The following SBK1 variants were observed in gnomAD, a reference collection of about 807,000 sequenced individuals.
The protein encoded by SBK1 is SH3 domain binding kinase 1.
In SBK1, 11 loss-of-function variants were observed where a neutral mutation model predicts 24.4. That is an observed-to-expected ratio of 0.45 (90% confidence interval 0.28 to 0.75). SBK1 has a LOEUF of 0.75. Among genes scored for constraint, SBK1 ranks in the 30% least tolerant of loss-of-function variants. The pLI is 0.12. For missense variants in SBK1, 467 were observed against 620.5 expected (o/e 0.75, Z 2.63); for synonymous variants, 308 against 284.4 (o/e 1.08, Z -0.83).
At chr16:28,302,610 C>T (rs529727162) in intron 1 of SBK1, among the ~76,000 whole-genome samples, 15 of 152,204 alleles carry the variant, frequency 9.9e-5, no homozygotes, top group African/African-American at 3.6e-4. Flanking sequence ...CTGGCACTTT[C>T]CTCTGGCACT....
chr16:28,261,562 C>T (rs2141556039), intron 1 of SBK1, among the ~76,000 whole-genome samples: 1 of 151,984 alleles, frequency 6.6e-6, no homozygotes, highest in African/African-American at 2.4e-5. Flanking sequence ...CCCAGAAGTT[C>T]GAGGCTGCAC....
In SBK1 at chr16:28,323,219, T is replaced by C. The variant is rs998580604; in HGVS notation, c.*2298T>C. 6.7e-6 allele frequency: 1 copy of C among 150,352 alleles called. No individual in the cohort carries two copies. The highest frequency in any genetic ancestry group is 1.5e-5 in the Non-Finnish European group (1 of 67,648). The allele number at this position is 150,352 out of a possible 1,614,324, so 9.3% of individuals were successfully genotyped here. A position where few individuals can be genotyped will look rare whatever the true frequency, so the allele number is the denominator to read the frequency against. The stretch of plus-strand genomic sequence containing the variant: ...GGTCGGGCTGGGACCCTTTGCCCCT[T>C]AGGAGAGGTGTTGGTCACAGATGTT... On this transcript the variant is annotated 3_prime_UTR_variant, in exon 4 of 4. Coordinates refer to ENST00000341901, the MANE Select transcript of SBK1 (RefSeq NM_001024401.3).
chr16:28,308,040 C>A (rs980818086), intron 1 of SBK1, among the ~76,000 whole-genome samples: 6 of 152,182 alleles, frequency 3.9e-5, no homozygotes, highest in African/African-American at 1.4e-4. Context: ...CACTCTCCAC[C>A]TACTTCTGTA....
At chr16:28,272,065 CAATACATGTAT>C (rs1394458208) in intron 1 of SBK1, among the ~76,000 whole-genome samples, 1 of 152,084 alleles carries the variant, frequency 6.6e-6, no homozygotes, top group Non-Finnish European at 1.5e-5. Flanking sequence ...TTTAAATGTA[CAATACATGTAT>C]AATACATGGT....
chr16:28,322,168 CTG>C lies in SBK1; in HGVS notation c.*1250_*1251del, dbSNP rs2044855039. The C allele has an allele frequency of 6.6e-6, 1 of 152,662 alleles. No individual in the cohort carries two copies. The highest frequency in any genetic ancestry group is 1.5e-5 in the Non-Finnish European group (1 of 68,408). 9.5% of individuals were successfully genotyped at this position (152,662 alleles called of 1,614,324 possible). On this transcript the variant is annotated 3_prime_UTR_variant, in exon 4 of 4. Coordinates refer to ENST00000341901, the MANE Select transcript of SBK1 (RefSeq NM_001024401.3). ...GGGTGCCATCCTTTGCGTTCAGTGACTGTGCGTCCAGACCCCTCACCAGCGGC... is the reference window on the plus strand; with the variant it reads ...GGGTGCCATCCTTTGCGTTCAGTGACTGCGTCCAGACCCCTCACCAGCGGC...
intron 1 of SBK1, among the ~76,000 whole-genome samples, chr16:28,267,516 G>A (rs927048400): frequency 5.3e-5 from 8 of 152,190 alleles, no homozygotes; most frequent in Non-Finnish European, 1.0e-4. Context: ...ACATGTTCAT[G>A]GCTAATGGAG....
Position 28,265,181 on chromosome 16 carries a change from C to T in SBK1, c.257+5679C>T, listed in dbSNP as rs375365934. Among the ~76,000 whole-genome samples the T allele has an allele frequency of 1.6e-4, 25 of 151,914 alleles. No homozygotes were observed. The South Asian group carries it at 1.7e-3, about 10-fold the overall frequency. On this transcript the variant is annotated intron_variant, in intron 1 of 3. Coordinates refer to the SBK1 transcript ENST00000671413. ...GCTGTAATCCCAGCACTTGAGGAGG[C>T]AGAGGCAGGAGGATCACTTAAGGCC... is the stretch of plus-strand genomic sequence containing the variant.
At chr16:28,258,942 A>C (rs1242256849), upstream of SBK1, 1 of 152,602 alleles carries the variant, frequency 6.6e-6, no homozygotes, top group African/African-American at 2.4e-5. Flanking sequence ...GACCAGGAGG[A>C]GCAGACGGCT....
Position 28,264,345 on chromosome 16 carries a change from G to A in SBK1, c.257+4843G>A, listed in dbSNP as rs773797687. Among the ~76,000 whole-genome samples, 342 of 151,644 alleles carry A rather than the reference G, an allele frequency of 2.3e-3. 2 individuals are homozygous for A. The highest frequency in any genetic ancestry group is 3.6e-3 in the Non-Finnish European group (245 of 67,794). On this transcript the variant is annotated intron_variant, in intron 1 of 3. Coordinates refer to the SBK1 transcript ENST00000671413. Reference sequence around the variant, plus strand: ...TCCCAGCACTTTGGGAGGCAGAGGCGGGCGGATCACTTGAGGTCAGGAGTT... The same window carrying A: ...TCCCAGCACTTTGGGAGGCAGAGGCAGGCGGATCACTTGAGGTCAGGAGTT...
At chr16:28,299,078 G>A (rs183010298) in intron 1 of SBK1, among the ~76,000 whole-genome samples, 5 of 152,316 alleles carry the variant, frequency 3.3e-5, no homozygotes, top group Admixed American at 3.3e-4. Flanking sequence ...GTCTCCAGGA[G>A]GCACAATGGG....
At chr16:28,305,537 CT>C (rs771013330) in intron 1 of SBK1, among the ~76,000 whole-genome samples, 608 of 126,268 alleles carry the variant, frequency 4.8e-3, no homozygotes, top group African/African-American at 4.9e-3. Flanking sequence ...TTCTTTGTTT[CT>C]TTTTTTTTTT....
chr16:28,270,246 G>A (rs1450627187), intron 1 of SBK1, among the ~76,000 whole-genome samples: 2 of 151,788 alleles, frequency 1.3e-5, no homozygotes, highest in African/African-American at 4.8e-5. Context: ...ATTTTTAGTA[G>A]AGATGAGGTT....
At chr16:28,312,093 G>A (rs922588912) in intron 1 of SBK1, among the ~76,000 whole-genome samples, 7 of 152,254 alleles carry the variant, frequency 4.6e-5, no homozygotes, top group Admixed American at 2.6e-4. Context: ...GCAGCCCTTG[G>A]GGACTCCACA....
At chr16:28,297,090 G>A (rs2044646019) in intron 1 of SBK1, among the ~76,000 whole-genome samples, 1 of 152,190 alleles carries the variant, frequency 6.6e-6, no homozygotes, top group Non-Finnish European at 1.5e-5. Context: ...ACCACTTTGG[G>A]AGGCTGAGAC....
chr16:28,286,217 G>A (rs542800968), intron 1 of SBK1: 1 of 152,460 alleles, frequency 6.6e-6, no homozygotes, highest in Non-Finnish European at 1.5e-5. Context: ...GTGTCTTCCA[G>A]TGGTCCCAGG....
chr16:28,260,808 T>C (rs532151083), intron 1 of SBK1, among the ~76,000 whole-genome samples: 1 of 152,152 alleles, frequency 6.6e-6, no homozygotes, highest in African/African-American at 2.4e-5. Context: ...CACAGGGTAG[T>C]GGGCATCTTG....
rs982820783 is a variant in SBK1, at chr16:28,263,618, C to A, written c.257+4116C>A. Among the ~76,000 whole-genome samples the A allele has an allele frequency of 2.0e-5, 3 of 152,070 alleles. No individual in the cohort carries two copies. In the East Asian group the frequency reaches 5.8e-4, roughly 29 times the overall value. On this transcript the variant is annotated intron_variant, in intron 1 of 3. Coordinates refer to the SBK1 transcript ENST00000671413. The stretch of plus-strand genomic sequence containing the variant: ...GCCACGCAGGCCTTGGCACCCATGG[C>A]GAGGAGATGGATTTTGTTCCAGAAG...
chr16:28,320,653 G>C lies in SBK1; in HGVS notation c.1007G>C (p.Arg336Pro). ...CGCGCGCGCAAGCCCCCCGGGGACC[G>C]CCCGCCCGCCGCCGGGCCACTGCGC... ...SHRARKPPGD[R>P]PPAAGPLRLE... Residue 336 changes from arginine (R) to proline (P), a missense_variant, in exon 4 of 4, where the codon CGC becomes CCC. Physicochemically the swap from Arg to Pro is moderately radical, Grantham distance 103. Around this residue, in one of 4 missense-constraint regions of SBK1, gnomAD observed 166 missense variants for 146.8 expected, o/e 1.13. Coordinates refer to ENST00000341901, the MANE Select transcript of SBK1 (RefSeq NM_001024401.3). This position sits in a 1 kb window ranked among gnomAD's most constrained non-coding sequence, Gnocchi z 8.5. 9.0e-7 allele frequency: 1 copy of C among 1,115,334 alleles called. No individual in the cohort carries two copies. Among genetic ancestry groups the C allele is most frequent in the Non-Finnish European group, 1.1e-6 (1 of 913,530 alleles). 69.1% of individuals were successfully genotyped at this position (1,115,334 alleles called of 1,614,324 possible).
upstream of SBK1, chr16:28,291,372 G>C (rs1183017261): frequency 6.6e-6 from 1 of 152,002 alleles, no homozygotes; most frequent in Admixed American, 6.6e-5. Flanking sequence ...TGGGGGGAAG[G>C]GGGAGGGATA....
Sources: allele counts gnomAD v4.1 joint callset (sites outside exome capture counted in the v4.1 genomes callset), GRCh38; gene constraint gnomAD v4.1.1; regional missense constraint gnomAD v4.1.1; non-coding constraint Gnocchi (gnomAD v3.1); transcripts MANE v1.5; gene names NCBI Gene and HGNC (gene_info 2026-07-23, HGNC 2026-07-21).